B4GALNT3: variants seen among roughly 807,000 people sequenced by gnomAD.
B4GALNT3 encodes beta-1,4-N-acetyl-galactosaminyltransferase 3.
Under a neutral mutation model 120.2 loss-of-function variants are expected in B4GALNT3, and 86 were observed. The ratio of observed to expected loss-of-function variants is 0.72; its 90% CI spans 0.60 to 0.86. The LOEUF is 0.86. B4GALNT3 is among the 40% of genes least tolerant of loss of function. The probability of loss-of-function intolerance (pLI) is 0.00; values close to 1 mark genes in which losing one functional copy is unlikely to be tolerated. For missense variants in B4GALNT3, 1,167 were observed against 1,298.9 expected (o/e 0.90, Z 1.56); for synonymous variants, 518 against 510.4 (o/e 1.01, Z -0.20).
chr12:483,556 G>A (rs1946261971), intron 1 of B4GALNT3, among the ~76,000 whole-genome samples: 1 of 152,116 alleles, frequency 6.6e-6, no homozygotes, highest in African/African-American at 2.4e-5. Flanking sequence ...AAATTCACTG[G>A]GTGTAGTGGT....
chr12:512,190 TCCG>T (rs202062782), intron 1 of B4GALNT3, among the ~76,000 whole-genome samples: 22 of 85,570 alleles, frequency 2.6e-4, no homozygotes, highest in African/African-American at 1.1e-3. Context: ...CCTTCCACCT[TCCG>T]CCTTCCACCT....
rs184585692 is a variant in B4GALNT3, at chr12:534,281, C to T, written c.170-885C>T. On this transcript the variant is annotated intron_variant, in intron 1 of 19. Coordinates refer to ENST00000266383, the MANE Select transcript of B4GALNT3 (RefSeq NM_173593.4). ...AGCCTCTTTCGCTTCCAGTGGTCTA[C>T]GGTTCTGGTTTGTGACTAACAGTGG... Among the ~76,000 whole-genome samples, 26 of 152,294 alleles carry T rather than the reference C, an allele frequency of 1.7e-4. No individual in the cohort carries two copies. In the East Asian group the frequency reaches 4.6e-3, roughly 27 times the overall value.
At chr12:524,654 AG>A (rs1204237386) in intron 1 of B4GALNT3, among the ~76,000 whole-genome samples, 2,748 of 111,186 alleles carry the variant, frequency 0.025, 91 homozygotes, top group African/African-American at 0.068. Context: ...AAAAAAAAAA[AG>A]AAAAAAGAAA....
At chr12:557,923 G>C in intron 16 of B4GALNT3, 93 bp from the exon 17 acceptor site, 1 of 1,497,366 alleles carries the variant, frequency 6.7e-7, no homozygotes, top group Non-Finnish European at 9.3e-7. Context: ...CATCCCAGGA[G>C]CACACATCAT....
At chr12:513,095 G>A (rs145641724) in intron 1 of B4GALNT3, among the ~76,000 whole-genome samples, 10,442 of 91,102 alleles carry the variant, frequency 0.11, 458 homozygotes, top group Middle Eastern at 0.26. Flanking sequence ...TCCACCTTCC[G>A]CCTTCCACCT....
At position 559,348 on chromosome 12, in the gene B4GALNT3, G is replaced by A. The variant is rs766565882; in HGVS notation, c.2815G>A (p.Asp939Asn). The change falls in exon 19 of 20, where the codon GAC becomes AAC. Residue 939 changes from aspartate (D) to asparagine (N), a missense_variant. By Grantham distance (23) the Asp-to-Asn change is conservative. This residue lies in a region of B4GALNT3 where 983 missense variants were observed against 1,102.5 expected (regional missense o/e 0.89). Transcript: ENST00000266383. Reference sequence around the variant, plus strand: ...GCTTGGCATCTACAAGTCTGACCTGGACAGGATTGGGGGCATGAACACCAA... The same window carrying A: ...GCTTGGCATCTACAAGTCTGACCTGAACAGGATTGGGGGCATGAACACCAA... ...GLLGIYKSDL[D>N]RIGGMNTKEF... 1 of 1,614,072 alleles carries A rather than the reference G, an allele frequency of 6.2e-7. No individual in the cohort carries two copies. Among genetic ancestry groups the A allele is most frequent in the Non-Finnish European group, 8.5e-7 (1 of 1,179,994 alleles).
intron 1 of B4GALNT3, among the ~76,000 whole-genome samples, chr12:464,104 CG>C: frequency 6.6e-6 from 1 of 152,228 alleles, no homozygotes; most frequent in African/African-American, 2.4e-5. Context: ...GGGAGGGGTC[CG>C]GGTGGCAGTG....
At chr12:559,476 G>A in intron 19 of B4GALNT3, 55 bp downstream of exon 19, 2 of 1,603,852 alleles carry the variant, frequency 1.2e-6, no homozygotes, top group African/African-American at 1.3e-5. Context: ...GGCGCTCCAG[G>A]CAGGGAGCCA....
At chr12:515,212 A>C (rs545054484) in intron 1 of B4GALNT3, among the ~76,000 whole-genome samples, 2 of 152,194 alleles carry the variant, frequency 1.3e-5, no homozygotes, top group African/African-American at 4.8e-5. Context: ...TTTTTGAGAC[A>C]GTCTCACTCT....
At chr12:535,987 G>A (rs964709586) in intron 2 of B4GALNT3, among the ~76,000 whole-genome samples, 1 of 152,206 alleles carries the variant, frequency 6.6e-6, no homozygotes, top group African/African-American at 2.4e-5. Flanking sequence ...GACCTAAAGA[G>A]GGTAAACTGC....
In B4GALNT3 at chr12:545,425, G is replaced by C; in HGVS notation, c.595G>C (p.Asp199His). The change falls in exon 6 of 20, where the codon GAT (aspartate) becomes CAT (histidine). Residue 199 changes from aspartate to histidine, a missense_variant. Physicochemically the swap from Asp to His is moderately conservative, Grantham distance 81. Around this residue, in one of 3 missense-constraint regions of B4GALNT3, gnomAD observed 983 missense variants for 1,102.5 expected, o/e 0.89. Transcript: ENST00000266383. Reference protein sequence around the residue: ...DDNAEFWLSLDDQVSGLQLLA... With the variant: ...DDNAEFWLSLHDQVSGLQLLA... ...CAACGCGGAGTTCTGGCTGAGCCTC[G>C]ATGACCAGGTCTCAGGCCTCCAGCT... 1.2e-6 allele frequency: 2 copies of C among 1,611,584 alleles called. No homozygotes were observed. The highest frequency in any genetic ancestry group is 1.7e-6 in the Non-Finnish European group (2 of 1,179,326).
chr12:505,209 A>G (rs917778977), intron 1 of B4GALNT3, among the ~76,000 whole-genome samples: 1 of 152,194 alleles, frequency 6.6e-6, no homozygotes, highest in Admixed American at 6.5e-5. Context: ...AGGTTTTAAC[A>G]GATGTTCTAT....
chr12:463,059 TTG>T (rs1202619785), intron 1 of B4GALNT3, among the ~76,000 whole-genome samples: 1 of 152,190 alleles, frequency 6.6e-6, no homozygotes, highest in Non-Finnish European at 1.5e-5. Context: ...CAGAACCAGC[TTG>T]TTGGCTCTGC....
At chr12:551,403 C>A (rs1310074935) in intron 11 of B4GALNT3, among the ~76,000 whole-genome samples, 1 of 152,220 alleles carries the variant, frequency 6.6e-6, no homozygotes, top group Admixed American at 6.5e-5. Context: ...ACTTACTAAA[C>A]CCAGAGACCA....
chr12:512,959 A>ACCTTCCACTTTCTTCCACCTTCCC (rs1946609886), intron 1 of B4GALNT3, among the ~76,000 whole-genome samples: 1 of 103,364 alleles, frequency 9.7e-6, no homozygotes, highest in African/African-American at 3.9e-5. Flanking sequence ...TCCACCTTCC[A>ACCTTCCACTTTCTTCCACCTTCCC]CCTTCCACTT....
chr12:512,387 C>A (rs1429193625), intron 1 of B4GALNT3, among the ~76,000 whole-genome samples: 1 of 141,328 alleles, frequency 7.1e-6, no homozygotes, highest in Non-Finnish European at 1.5e-5. Flanking sequence ...CCACCTTCCA[C>A]CTTCTTCCAC....
intron 1 of B4GALNT3, among the ~76,000 whole-genome samples, chr12:497,663 T>A: frequency 6.6e-6 from 1 of 152,220 alleles, no homozygotes; most frequent in African/African-American, 2.4e-5. Flanking sequence ...GTGGTAACTC[T>A]GTTTAACTTT....
Position 505,190 on chromosome 12 carries a change from C to CCTGA in B4GALNT3, c.170-29974_170-29973insGACT, listed in dbSNP as rs1946485334. ...TACAGGCGTGAACCACCACGCCTGG[C>CCTGA]CTCACCAGAGGTTTTAACAGATGTT... On this transcript the variant is annotated intron_variant, in intron 1 of 19. Coordinates refer to ENST00000266383, the MANE Select transcript of B4GALNT3 (RefSeq NM_173593.4). Among the ~76,000 whole-genome samples, 7 of 152,304 alleles carry CCTGA rather than the reference C, an allele frequency of 4.6e-5. No individual in the cohort carries two copies. The South Asian group carries it at 1.5e-3, about 32-fold the overall frequency.
chr12:556,512 G>A, intron 14 of B4GALNT3, 35 bp from the exon 15 acceptor site: 1 of 1,582,620 alleles, frequency 6.3e-7, no homozygotes. Context: ...AGTGTGGAAA[G>A]GAACCACTCA....
Sources: gnomAD v4.1 joint callset for allele counts (sites outside exome capture counted in the v4.1 genomes callset) on GRCh38, gnomAD v4.1.1 for gene constraint, gnomAD v4.1.1 regional missense constraint, MANE v1.5 for transcripts, NCBI Gene and HGNC (gene_info 2026-07-23, HGNC 2026-07-21) for gene names.